Variants in MYO6 observed in about 807,000 individuals in gnomAD.
MYO6 encodes myosin VI, also known as unconventional myosin-VI.
Under a neutral mutation model 178.7 loss-of-function variants are expected in MYO6, and 74 were observed. That is an observed-to-expected ratio of 0.41 (90% CI 0.34 to 0.50). The LOEUF (loss-of-function observed/expected upper bound fraction) is 0.50. Ranked by LOEUF, MYO6 falls within the 20% of genes least tolerant of loss-of-function variation. The pLI is 0.09. For synonymous variants in MYO6, 477 were observed against 504.6 expected, an observed-to-expected ratio of 0.95 and a Z score of 0.73; for missense variants, 1,330 against 1,547.4, an observed-to-expected ratio of 0.86 and a Z score of 2.36.
intron 8 of MYO6, 24 bp from the exon 9 acceptor site, chr6:75,841,190 T>G: frequency 6.2e-7 from 1 of 1,606,932 alleles, no homozygotes. Context: ...CAAAAATATA[T>G]TTTCTCTGTG....
intron 33 of MYO6, among the ~76,000 whole-genome samples, chr6:75,911,950 G>A (rs1463063617): frequency 6.6e-6 from 1 of 151,960 alleles, no homozygotes; most frequent in Non-Finnish European, 1.5e-5. Context: ...TTAAGAAAAT[G>A]ACTAGCATTT....
intron 32 of MYO6, among the ~76,000 whole-genome samples, chr6:75,910,348 G>A (rs1428757354): frequency 6.6e-6 from 1 of 152,106 alleles, no homozygotes; most frequent in Admixed American, 6.6e-5. Context: ...AGAGGTTCAT[G>A]TTGTAATATT....
At chr6:75,767,822 T>C (rs1486781666) in intron 1 of MYO6, among the ~76,000 whole-genome samples, 1 of 152,120 alleles carries the variant, frequency 6.6e-6, no homozygotes, top group East Asian at 1.9e-4. Flanking sequence ...TGGCCACAAA[T>C]TCTATTCTTA....
chr6:75,817,081 G>A (rs546733081), intron 1 of MYO6, among the ~76,000 whole-genome samples: 9 of 152,100 alleles, frequency 5.9e-5, no homozygotes, highest in East Asian at 1.9e-4. Flanking sequence ...CGAGGCAGGC[G>A]GATCACGAGG....
At chr6:75,914,314 G>A (rs1449287105) in intron 34 of MYO6, 33 bp downstream of exon 34, 2 of 1,573,102 alleles carry the variant, frequency 1.3e-6, no homozygotes, top group African/African-American at 1.4e-5. Flanking sequence ...ACAAATTATA[G>A]AACAAAAAAG....
intron 28 of MYO6, among the ~76,000 whole-genome samples, chr6:75,894,559 T>G (rs1779145181): frequency 6.8e-6 from 1 of 147,620 alleles, no homozygotes; most frequent in African/African-American, 2.4e-5. Context: ...TAGCACTTCA[T>G]TATGAATGAT....
At chr6:75,907,546 T>A in intron 30 of MYO6, 59 bp from the exon 31 acceptor site, 1 of 1,329,984 alleles carries the variant, frequency 7.5e-7, no homozygotes, top group Non-Finnish European at 1.1e-6. Flanking sequence ...CTTGCCTCTT[T>A]AGTCAATGTT....
chr6:75,806,404 T>A (rs947928293), intron 1 of MYO6, among the ~76,000 whole-genome samples: 48 of 149,026 alleles, frequency 3.2e-4, no homozygotes, highest in African/African-American at 1.1e-3. Context: ...AAAAAAAAAA[T>A]TAATAGAAGG....
At position 75,875,584 on chromosome 6, in the gene MYO6, G is replaced by A. The variant is rs115017740; in HGVS notation, c.2077+2284G>A. 3.5e-3 allele frequency among the ~76,000 whole-genome samples: 540 copies of A among 152,290 alleles called. 2 individuals carry two copies. The highest frequency in any genetic ancestry group is 0.012 in the African/African-American group (516 of 41,544). ...TTATAGGCATGAGCTGCCATGCCTG[G>A]CCTTAATTTTAATTTTTAAAAATTT... On this transcript the variant is annotated intron_variant, in intron 20 of 34. Transcript: ENST00000369977.
In MYO6 at chr6:75,840,652, G is replaced by A. The variant is rs1320533367; in HGVS notation, c.621G>A (p.Gly207=). Residue 207 remains glycine (G), a synonymous_variant, in exon 8 of 35, where the codon GGG becomes GGA. Coordinates refer to ENST00000369977, the MANE Select transcript of MYO6 (RefSeq NM_004999.4). ...GCAACAATAATAGCAGTCGATTTGG[G>A]AAATTTGTAGAAATACATTTTAATG... ...TVRNNNSSRF[G]KFVEIHFNEK... is the part of the protein sequence containing the mutation. 3 of 1,612,620 alleles carry A rather than the reference G, an allele frequency of 1.9e-6. No homozygotes were observed. The highest frequency in any genetic ancestry group is 2.5e-6 in the Non-Finnish European group (3 of 1,178,682).
At chr6:75,766,594 G>T (rs914878417) in intron 1 of MYO6, among the ~76,000 whole-genome samples, 5 of 152,162 alleles carry the variant, frequency 3.3e-5, no homozygotes, top group African/African-American at 1.2e-4. Flanking sequence ...AATCATGAAT[G>T]CAGCAGCTGT....
At chr6:75,913,433 T>G (rs1780912474) in intron 33 of MYO6, among the ~76,000 whole-genome samples, 1 of 152,208 alleles carries the variant, frequency 6.6e-6, no homozygotes, top group African/African-American at 2.4e-5. Context: ...TAAGTAAATA[T>G]CTTTAAGGGA....
chr6:75,778,569 C>T (rs1307631536), intron 1 of MYO6, among the ~76,000 whole-genome samples: 1 of 151,786 alleles, frequency 6.6e-6, no homozygotes, highest in Admixed American at 6.6e-5. Context: ...TGCACTCCAG[C>T]CTGGGTGACA....
chr6:75,878,852 C>T (rs1218995207), intron 20 of MYO6, among the ~76,000 whole-genome samples: 1 of 152,192 alleles, frequency 6.6e-6, no homozygotes, highest in African/African-American at 2.4e-5. Flanking sequence ...TCACTTATAG[C>T]TCAGCCTTTC....
At chr6:75,832,791 A>G (rs1439745213) in intron 5 of MYO6, 51 bp from the exon 6 acceptor site, 4 of 1,116,054 alleles carry the variant, frequency 3.6e-6, no homozygotes, top group Non-Finnish European at 5.5e-6. Flanking sequence ...TTCTATTATT[A>G]ACTTTATATT....
chr6:75,803,698 C>T (rs1280038), intron 1 of MYO6, among the ~76,000 whole-genome samples: 117,615 of 152,072 alleles, frequency 0.77, 46,694 homozygotes, highest in East Asian at 0.95. Context: ...TTCTTTGTCC[C>T]GAGTTTGGAC....
intron 3 of MYO6, among the ~76,000 whole-genome samples, chr6:75,826,766 C>T (rs903761658): frequency 2.0e-5 from 3 of 152,154 alleles, no homozygotes; most frequent in Non-Finnish European, 4.4e-5. Context: ...CCACTTCTTA[C>T]TCTCTTTTAT....
rs541571995 is a variant in MYO6 at position 75,791,890 on chromosome 6, ATGT to A, written c.-47-25609_-47-25607del. Among the ~76,000 whole-genome samples, 331 of 152,296 alleles carry A rather than the reference ATGT, an allele frequency of 2.2e-3. 2 individuals are homozygous for A. Among genetic ancestry groups the A allele is most frequent in the Non-Finnish European group, 3.8e-3 (260 of 68,030 alleles). On this transcript the variant is annotated intron_variant, in intron 1 of 34. Coordinates refer to ENST00000369977, the MANE Select transcript of MYO6 (RefSeq NM_004999.4). ...TCATTTTTTTGGAACAGAAAATTGGATGTTAAGTAATATTTATTAAAACGCAGA... is the reference window on the plus strand; with the variant it reads ...TCATTTTTTTGGAACAGAAAATTGGATAAGTAATATTTATTAAAACGCAGA...
chr6:75,841,443 C>G (rs1239989401), intron 9 of MYO6, 65 bp downstream of exon 9: 3 of 1,469,248 alleles, frequency 2.0e-6, no homozygotes, highest in East Asian at 2.3e-5. Flanking sequence ...AATCCCAACA[C>G]TTTGGGAGGC....
Sources: allele counts gnomAD v4.1 joint callset (sites outside exome capture counted in the v4.1 genomes callset), GRCh38; gene constraint gnomAD v4.1.1; transcripts MANE v1.5; gene names NCBI Gene and HGNC (gene_info 2026-07-23, HGNC 2026-07-21).